Variants in STK39 observed in about 807,000 individuals in gnomAD.
STK39 encodes the protein STE20/SPS1-related proline-alanine-rich protein kinase.
In STK39, 20 loss-of-function variants were observed where a neutral mutation model predicts 77.8. That is an observed-to-expected ratio of 0.26 (90% CI 0.18 to 0.37). The LOEUF is 0.37. STK39 is among the 10% of genes least tolerant of loss of function. The pLI is 1.00. For synonymous variants in STK39, 246 were observed against 234.1 expected (o/e 1.05, Z -0.47); for missense variants, 479 against 656.5 (o/e 0.73, Z 2.95).
In STK39 at chr2:168,247,300, C is replaced by CCGGGGT; in HGVS notation, c.135_136insACCCCG (p.Pro45_Ala46insThrPro). The CCGGGGT allele has an allele frequency of 1.9e-6, 2 of 1,033,696 alleles. No individual in the cohort carries two copies. The highest frequency in any genetic ancestry group is 2.3e-6 in the Non-Finnish European group (2 of 859,170). The allele number at this position is 1,033,696 out of a possible 1,614,324, so 64.0% of individuals were successfully genotyped here. On this transcript the variant is annotated inframe_insertion, in exon 1 of 18. Transcript: ENST00000355999. ...ACAGCCTGTGCCGCCGGGGCCGGGG[C>CCGGGGT]CGGGGCCGGGGCCGCGGGAGCTGCC...
chr2:168,076,903 A>C (rs1396988134), intron 10 of STK39, among the ~76,000 whole-genome samples: 1 of 152,216 alleles, frequency 6.6e-6, no homozygotes. Context: ...GCCAAAATGC[A>C]CTTCAGCATT....
chr2:168,215,010 A>G (rs561813711), intron 1 of STK39, among the ~76,000 whole-genome samples: 1 of 152,304 alleles, frequency 6.6e-6, no homozygotes, highest in African/African-American at 2.4e-5. Context: ...TCTCTTTTAC[A>G]GCTCTAGGGA....
intron 1 of STK39, among the ~76,000 whole-genome samples, chr2:168,198,253 C>G (rs571570786): frequency 6.6e-6 from 1 of 152,230 alleles, no homozygotes; most frequent in South Asian, 2.1e-4. Flanking sequence ...ATCCCAAACA[C>G]TTTTCATGTT....
At chr2:167,974,496 T>C (rs779678150) in intron 16 of STK39, among the ~76,000 whole-genome samples, 1 of 152,198 alleles carries the variant, frequency 6.6e-6, no homozygotes, top group African/African-American at 2.4e-5. Flanking sequence ...AAGTTTAATC[T>C]TCTTCAGGTT....
chr2:168,095,874 T>C (rs1312443265), intron 10 of STK39, among the ~76,000 whole-genome samples: 1 of 152,124 alleles, frequency 6.6e-6, no homozygotes. Context: ...TTTTCTTTTG[T>C]TGAAAGACAA....
chr2:168,140,952 C>T (rs1174922072), intron 5 of STK39, among the ~76,000 whole-genome samples, 194 bp from the exon 6 acceptor site: 2 of 152,064 alleles, frequency 1.3e-5, no homozygotes, highest in African/African-American at 4.8e-5. Flanking sequence ...AGAATACCAT[C>T]GCTGGTAATG....
chr2:168,189,520 A>G (rs1258407273), intron 1 of STK39, among the ~76,000 whole-genome samples: 3 of 152,202 alleles, frequency 2.0e-5, no homozygotes, highest in Non-Finnish European at 2.9e-5. Context: ...ACAAATTGTA[A>G]TAACTTTCAA....
rs779540304 is a variant in STK39 at position 168,012,754 on chromosome 2, C to T, written c.1430-52G>A. On this transcript the variant is annotated intron_variant, in intron 15 of 17. Transcript: ENST00000355999. ...TTAGTAACCATAACATAAAAATCAA[C>T]AACCCAGTACAATGTAAAATATATA... 10 of 1,444,932 alleles carry T rather than the reference C, an allele frequency of 6.9e-6. No homozygotes were observed. The African/African-American group carries it at 1.3e-4, about 19-fold the overall frequency. 89.5% of individuals were successfully genotyped at this position (1,444,932 alleles called of 1,614,324 possible). A position where few individuals can be genotyped will look rare whatever the true frequency, so the allele number is the denominator to read the frequency against.
chr2:168,193,162 A>G (rs1261435180), intron 1 of STK39, among the ~76,000 whole-genome samples: 3 of 152,104 alleles, frequency 2.0e-5, no homozygotes, highest in African/African-American at 7.2e-5. Context: ...CTTTAATGCC[A>G]CCTCTCCATC....
At chr2:168,022,991 T>C (rs544896893) in intron 14 of STK39, among the ~76,000 whole-genome samples, 20 of 152,368 alleles carry the variant, frequency 1.3e-4, no homozygotes, top group Non-Finnish European at 1.5e-5. Context: ...TGTTGCTCAC[T>C]GCAGCCTCGA....
intron 14 of STK39, 106 bp downstream of exon 14, chr2:168,063,394 A>G: frequency 9.9e-7 from 1 of 1,010,844 alleles, no homozygotes; most frequent in Non-Finnish European, 1.5e-6. Context: ...AAATCAAATA[A>G]GCTAACGATT....
At chr2:168,081,868 C>T (rs937372434) in intron 10 of STK39, among the ~76,000 whole-genome samples, 2 of 152,140 alleles carry the variant, frequency 1.3e-5, no homozygotes, top group African/African-American at 4.8e-5. Flanking sequence ...CTCTCTTTGC[C>T]TACTGACATC....
chr2:168,202,838 A>G (rs1689644569), intron 1 of STK39, among the ~76,000 whole-genome samples: 2 of 152,194 alleles, frequency 1.3e-5, no homozygotes, highest in South Asian at 4.1e-4. Context: ...GGAGAGTATG[A>G]TCATATGCAG....
At chr2:167,977,052 A>G (rs1683296161) in intron 16 of STK39, among the ~76,000 whole-genome samples, 2 of 152,236 alleles carry the variant, frequency 1.3e-5, no homozygotes, top group Admixed American at 1.3e-4. Context: ...TGTATGAGGA[A>G]TAAAGAAAAC....
intron 14 of STK39, among the ~76,000 whole-genome samples, chr2:168,059,727 T>C (rs949773191): frequency 2.0e-5 from 3 of 152,206 alleles, no homozygotes; most frequent in African/African-American, 7.2e-5. Flanking sequence ...TGTTCTAAGT[T>C]GCTAAGTTTG....
chr2:168,106,770 C>G (rs1559100043), intron 10 of STK39, among the ~76,000 whole-genome samples: 2 of 152,044 alleles, frequency 1.3e-5, no homozygotes, highest in Non-Finnish European at 2.9e-5. Flanking sequence ...TGCAGTGAGC[C>G]ATGTTCACAC....
In STK39 at chr2:168,012,722, A is replaced by G. The variant is rs199944127; in HGVS notation, c.1430-20T>C. The stretch of plus-strand genomic sequence containing the variant: ...CTGTATCTGTCCAAATGTGAAATGA[A>G]TATGTATTAGTAACCATAACATAAA... On this transcript the variant is annotated intron_variant, in intron 15 of 17. Coordinates refer to ENST00000355999, the MANE Select transcript of STK39 (RefSeq NM_013233.3). 9.3e-6 allele frequency: 15 copies of G among 1,604,774 alleles called. No homozygotes were observed. Among genetic ancestry groups the G allele is most frequent in the East Asian group, 9.0e-5 (4 of 44,692 alleles).
intron 16 of STK39, among the ~76,000 whole-genome samples, chr2:168,002,098 T>C (rs1684016118): frequency 6.6e-6 from 1 of 152,256 alleles, no homozygotes; most frequent in Non-Finnish European, 1.5e-5. Context: ...AGTAGATATC[T>C]ACAACTAATC....
intron 10 of STK39, among the ~76,000 whole-genome samples, chr2:168,115,174 T>C (rs2105477355): frequency 6.6e-6 from 1 of 152,236 alleles, no homozygotes; most frequent in East Asian, 1.9e-4. Flanking sequence ...AACAGCTAAC[T>C]GTAGATCTAG....
Sources: gnomAD v4.1 joint callset for allele counts (sites outside exome capture counted in the v4.1 genomes callset) on GRCh38, gnomAD v4.1.1 for gene constraint, MANE v1.5 for transcripts, NCBI Gene and HGNC (gene_info 2026-07-23, HGNC 2026-07-21) for gene names.